Variants in KCNIP4 observed in about 807,000 individuals in gnomAD.
KCNIP4 encodes the protein Kv channel-interacting protein 4.
Under a neutral mutation model 34.0 loss-of-function variants are expected in KCNIP4, and 12 were observed. The ratio of observed to expected loss-of-function variants is 0.35; its 90% CI spans 0.23 to 0.57. The LOEUF (loss-of-function observed/expected upper bound fraction) is 0.57. KCNIP4 is among the 20% of genes least tolerant of loss of function. The pLI, the probability that KCNIP4 is intolerant of heterozygous loss-of-function variation, is 0.83. For missense variants in KCNIP4, 238 were observed against 311.7 expected (o/e 0.76, Z 1.78); for synonymous variants, 124 against 102.2 (o/e 1.21, Z -1.29).
intron 1 of KCNIP4, among the ~76,000 whole-genome samples, chr4:20,898,513 G>T (rs1726805845): frequency 6.6e-6 from 1 of 152,052 alleles, no homozygotes; most frequent in African/African-American, 2.4e-5. Context: ...CAGGACATTT[G>T]GTAGCCTTAT....
intron 1 of KCNIP4, among the ~76,000 whole-genome samples, chr4:20,991,896 A>T (rs971932636): frequency 6.6e-6 from 1 of 152,146 alleles, no homozygotes; most frequent in African/African-American, 2.4e-5. Flanking sequence ...ATACCACTTC[A>T]TCAGCTTGAT....
At chr4:20,905,522 T>TTTTTTG (rs768668990) in intron 1 of KCNIP4, among the ~76,000 whole-genome samples, 1 of 111,184 alleles carries the variant, frequency 9.0e-6, no homozygotes, top group African/African-American at 3.2e-5. Flanking sequence ...TTTTTTTTTT[T>TTTTTTG]TTTGTTTGAG....
intron 1 of KCNIP4, among the ~76,000 whole-genome samples, chr4:21,060,822 G>C (rs1207228381): frequency 6.6e-6 from 1 of 152,112 alleles, no homozygotes; most frequent in Non-Finnish European, 1.5e-5. Context: ...AGAAACACCT[G>C]TTTAGACTTT....
intron 1 of KCNIP4, among the ~76,000 whole-genome samples, chr4:21,186,811 A>AT (rs1755264486): frequency 6.6e-6 from 1 of 152,112 alleles, no homozygotes; most frequent in African/African-American, 2.4e-5. Flanking sequence ...TGTCCAGTTA[A>AT]TTTTTTAAAT....
At chr4:21,228,708 T>A (rs1319151406) in intron 1 of KCNIP4, among the ~76,000 whole-genome samples, 1 of 152,220 alleles carries the variant, frequency 6.6e-6, no homozygotes, top group Non-Finnish European at 1.5e-5. Flanking sequence ...CAGTCCGGTT[T>A]TACTTTGCTT....
chr4:21,500,132 C>T (rs1273908441), intron 1 of KCNIP4, among the ~76,000 whole-genome samples: 1 of 152,116 alleles, frequency 6.6e-6, no homozygotes, highest in Admixed American at 6.6e-5. Flanking sequence ...AAAGGCTACA[C>T]AACTGCAATA....
At chr4:21,182,532 A>G (rs2874892) in intron 1 of KCNIP4, among the ~76,000 whole-genome samples, 35,552 of 151,302 alleles carry the variant, frequency 0.23, 4,834 homozygotes, top group African/African-American at 0.37. Context: ...TTGTGTAGTC[A>G]TGAAGTATGG....
chr4:20,973,490 G>T (rs1480019182), intron 1 of KCNIP4, among the ~76,000 whole-genome samples: 2 of 152,186 alleles, frequency 1.3e-5, no homozygotes, highest in Admixed American at 6.5e-5. Flanking sequence ...CTCCATATCA[G>T]CAATAAGGCT....
intron 1 of KCNIP4, among the ~76,000 whole-genome samples, chr4:20,951,133 C>T (rs548634668): frequency 3.3e-5 from 5 of 152,208 alleles, no homozygotes; most frequent in African/African-American, 7.2e-5. Flanking sequence ...TCTCTCCCTA[C>T]GCCCTGCCCC....
At chr4:21,171,510 A>T (rs187528655) in intron 1 of KCNIP4, among the ~76,000 whole-genome samples, 9 of 152,294 alleles carry the variant, frequency 5.9e-5, no homozygotes, top group Non-Finnish European at 7.3e-5. Context: ...TCATGTTTCC[A>T]TATACTAAGT....
chr4:21,498,126 G>C (rs1331011710), intron 1 of KCNIP4, among the ~76,000 whole-genome samples: 2 of 152,052 alleles, frequency 1.3e-5, no homozygotes, highest in African/African-American at 4.8e-5. Flanking sequence ...AGATTTTGCA[G>C]AAAATAAAAT....
intron 1 of KCNIP4, among the ~76,000 whole-genome samples, chr4:21,063,767 TG>T (rs1325497875): frequency 1.3e-5 from 2 of 151,802 alleles, no homozygotes; most frequent in African/African-American, 4.8e-5. Context: ...TAGATACCAG[TG>T]GGAAAAAAAT....
At chr4:21,766,797 G>T (rs1323115871) in intron 1 of KCNIP4, among the ~76,000 whole-genome samples, 1 of 152,074 alleles carries the variant, frequency 6.6e-6, no homozygotes, top group Non-Finnish European at 1.5e-5. Context: ...GCATAGTCAT[G>T]GACTGAGAGT....
chr4:21,406,365 C>G (rs893701655), intron 1 of KCNIP4, among the ~76,000 whole-genome samples: 1 of 152,160 alleles, frequency 6.6e-6, no homozygotes, highest in Non-Finnish European at 1.5e-5. Flanking sequence ...TAAATAATAG[C>G]ATCAACAATA....
chr4:21,056,118 T>C (rs1743375568), intron 1 of KCNIP4, among the ~76,000 whole-genome samples: 2 of 152,140 alleles, frequency 1.3e-5, no homozygotes, highest in South Asian at 4.1e-4. Flanking sequence ...AAAAAGTCTT[T>C]CTTAAAAAGA....
chr4:21,817,673 G>A (rs530874860), intron 1 of KCNIP4, among the ~76,000 whole-genome samples: 2 of 152,206 alleles, frequency 1.3e-5, no homozygotes, highest in Admixed American at 6.5e-5. Context: ...GCTGCTCTGG[G>A]AATGTCTGTC....
At chr4:20,796,030 A>G (rs1713410391) in intron 3 of KCNIP4, among the ~76,000 whole-genome samples, 1 of 152,234 alleles carries the variant, frequency 6.6e-6, no homozygotes, top group South Asian at 2.1e-4. Context: ...CAATATTGAT[A>G]TAATAATACC....
intron 1 of KCNIP4, among the ~76,000 whole-genome samples, chr4:21,912,937 C>G (rs1159981915): frequency 4.6e-5 from 7 of 151,850 alleles, no homozygotes; most frequent in Non-Finnish European, 1.0e-4. Flanking sequence ...AAATTCCCCT[C>G]TGAATATCAT....
rs147788587 is a variant in KCNIP4 at position 20,927,065 on chromosome 4, G to A, written c.62-44356C>T. On this transcript the variant is annotated intron_variant, in intron 1 of 8. Transcript: ENST00000382152. Reference sequence around the variant, plus strand: ...GTGATCTCGGCTCACTGCAACCTCCGCCTCCTGGGTTCAAGTGATTCTTCC... The same window carrying A: ...GTGATCTCGGCTCACTGCAACCTCCACCTCCTGGGTTCAAGTGATTCTTCC... Among the ~76,000 whole-genome samples the A allele has an allele frequency of 9.3e-4, 141 of 151,152 alleles. 2 individuals are homozygous for A. In the East Asian group the frequency reaches 0.023, roughly 24 times the overall value.
Sources: allele counts gnomAD v4.1 joint callset (sites outside exome capture counted in the v4.1 genomes callset), GRCh38; gene constraint gnomAD v4.1.1; transcripts MANE v1.5; gene names NCBI Gene and HGNC (gene_info 2026-07-23, HGNC 2026-07-21).